Variants in SRL observed in about 807,000 individuals in gnomAD.
SRL encodes the protein sarcalumenin.
Under a neutral mutation model 39.5 loss-of-function variants are expected in SRL, and 23 were observed. That is an observed-to-expected ratio of 0.58 (90% confidence interval 0.42 to 0.82). The LOEUF (loss-of-function observed/expected upper bound fraction) is 0.82. Ranked by LOEUF, SRL falls within the 40% of genes least tolerant of loss-of-function variation. The probability of loss-of-function intolerance (pLI) is 0.00; values close to 1 mark genes in which losing one functional copy is unlikely to be tolerated. For synonymous variants in SRL, 272 were observed against 237.4 expected, an observed-to-expected ratio of 1.15 and a Z score of -1.34; for missense variants, 592 against 607.8, an observed-to-expected ratio of 0.97 and a Z score of 0.27.
At chr16:4,203,110 G>A (rs772295404) in intron 3 of SRL, 56 bp downstream of exon 3, 204 of 1,521,046 alleles carry the variant, frequency 1.3e-4, no homozygotes, top group Non-Finnish European at 1.7e-4. Context: ...TGGCCCCGCC[G>A]ACAGGCCTGC....
chr16:4,195,700 T>C lies in SRL; in HGVS notation c.463A>G (p.Ser155Gly). Residue 155 changes from serine to glycine, a missense_variant, in exon 5 of 6, where the codon AGC becomes GGC. Ser to Gly is a moderately conservative substitution (Grantham distance 56). Coordinates refer to ENST00000399609, the MANE Select transcript of SRL (RefSeq NM_001098814.2). ...TIEGIVMAAD[S>G]ARSFSPLEKF... ...TCAAGGGGTGAGAAGGAACGGGCGC[T>C]GTCAGCAGCCATGACGATGCCCTCG... 4.3e-6 allele frequency: 7 copies of C among 1,614,110 alleles called. No homozygotes were observed. The highest frequency in any genetic ancestry group is 5.9e-6 in the Non-Finnish European group (7 of 1,180,010).
At chr16:4,205,241 G>A (rs944817806) in intron 1 of SRL, among the ~76,000 whole-genome samples, 3 of 152,062 alleles carry the variant, frequency 2.0e-5, no homozygotes, top group Non-Finnish European at 4.4e-5. Context: ...CTCAGCTCAG[G>A]AGGTCAAGGC....
At chr16:4,240,035 C>T (rs1018405114) in intron 1 of SRL, among the ~76,000 whole-genome samples, 2 of 152,138 alleles carry the variant, frequency 1.3e-5, no homozygotes, top group African/African-American at 2.4e-5. Context: ...CACAGGGAGG[C>T]GAGAAGGAGG....
chr16:4,233,062 A>G (rs1195398009), intron 1 of SRL, among the ~76,000 whole-genome samples: 1 of 152,206 alleles, frequency 6.6e-6, no homozygotes, highest in African/African-American at 2.4e-5. Context: ...ATCCAAAAAT[A>G]TCTGAGAGAG....
chr16:4,197,421 C>CTTCTTTTTTTT (rs71394661), intron 4 of SRL, among the ~76,000 whole-genome samples: 1 of 107,568 alleles, frequency 9.3e-6, no homozygotes, highest in African/African-American at 3.8e-5. Flanking sequence ...CTTTTCTTTC[C>CTTCTTTTTTTT]TTTTTTTTTT....
intron 1 of SRL, among the ~76,000 whole-genome samples, chr16:4,241,242 A>G (rs1316981974): frequency 6.6e-6 from 1 of 152,138 alleles, no homozygotes; most frequent in East Asian, 1.9e-4. Flanking sequence ...GGAACAAGAG[A>G]GGTGGCAAAA....
intron 1 of SRL, among the ~76,000 whole-genome samples, chr16:4,235,766 C>T (rs1165979632): frequency 1.3e-5 from 2 of 152,162 alleles, no homozygotes; most frequent in Admixed American, 6.5e-5. Flanking sequence ...ACTCAGGCCA[C>T]ATATCCACCG....
At chr16:4,228,006 A>G (rs2052611317) in intron 1 of SRL, among the ~76,000 whole-genome samples, 1 of 152,200 alleles carries the variant, frequency 6.6e-6, no homozygotes, top group Non-Finnish European at 1.5e-5. Flanking sequence ...ACACTGCAGG[A>G]GCCCAGCCAG....
At chr16:4,232,129 G>A (rs1241002233) in intron 1 of SRL, among the ~76,000 whole-genome samples, 1 of 152,176 alleles carries the variant, frequency 6.6e-6, no homozygotes, top group Non-Finnish European at 1.5e-5. Flanking sequence ...GGGACTTGGT[G>A]GAGTGCTCAC....
At chr16:4,193,891 T>C (rs114092649) in intron 5 of SRL, among the ~76,000 whole-genome samples, 1,946 of 150,316 alleles carry the variant, frequency 0.013, 45 homozygotes, top group African/African-American at 0.044. Context: ...TTATTAACAT[T>C]ACTAATAATA....
intron 3 of SRL, among the ~76,000 whole-genome samples, chr16:4,202,600 A>T (rs1008302379): frequency 6.6e-6 from 1 of 152,084 alleles, no homozygotes; most frequent in Non-Finnish European, 1.5e-5. Context: ...CTCAAAAAAA[A>T]AAAAGCTGGA....
chr16:4,221,345 C>T (rs1181224159), intron 1 of SRL, among the ~76,000 whole-genome samples: 1 of 152,234 alleles, frequency 6.6e-6, no homozygotes, highest in Non-Finnish European at 1.5e-5. Flanking sequence ...CTGCACCTGG[C>T]CTATTCCGTT....
chr16:4,204,270 G>A (rs180878608), intron 2 of SRL, among the ~76,000 whole-genome samples: 111 of 152,300 alleles, frequency 7.3e-4, no homozygotes, highest in African/African-American at 2.1e-3. Flanking sequence ...ACACCAGGCC[G>A]TCTACTTGGA....
At chr16:4,231,256 C>T (rs1300317348) in intron 1 of SRL, among the ~76,000 whole-genome samples, 2 of 152,194 alleles carry the variant, frequency 1.3e-5, no homozygotes, top group African/African-American at 4.8e-5. Context: ...GCAGAGATTG[C>T]AGTGAGCAGA....
intron 1 of SRL, among the ~76,000 whole-genome samples, chr16:4,211,170 A>C (rs947723602): frequency 1.3e-5 from 2 of 152,126 alleles, no homozygotes; most frequent in African/African-American, 4.8e-5. Flanking sequence ...ATTAAAAAAA[A>C]AAAAAGTTCT....
chr16:4,221,268 C>T (rs183997320), intron 1 of SRL, among the ~76,000 whole-genome samples: 40 of 152,216 alleles, frequency 2.6e-4, no homozygotes, highest in African/African-American at 9.4e-4. Context: ...AGGATGGTCT[C>T]GATCTCCTGA....
chr16:4,242,029 C>T lies in SRL; in HGVS notation c.39G>A (p.Ser13=), dbSNP rs750350063. The T allele has an allele frequency of 8.1e-6, 13 of 1,613,330 alleles. No individual in the cohort carries two copies. Among genetic ancestry groups the T allele is most frequent in the East Asian group, 2.2e-5 (1 of 44,878 alleles). ...ALVLLGCLLA[S]LLFSGQAEET... ...TACCTGCTTGTCCTGAGAACAGGAG[C>T]GAGGCCAGGAGGCAGCCGAGCAGGA... Residue 13 remains serine, a synonymous_variant, in exon 1 of 6, where the codon TCG becomes TCA. Transcript: ENST00000399609.
intron 5 of SRL, among the ~76,000 whole-genome samples, chr16:4,195,352 A>G (rs1382859455): frequency 2.6e-5 from 4 of 152,048 alleles, no homozygotes; most frequent in African/African-American, 9.7e-5. Flanking sequence ...ACATGCGAAC[A>G]TGCCTGGCTA....
chr16:4,192,716 T>A lies in SRL; in HGVS notation c.859A>T (p.Arg287Trp), dbSNP rs61737879. ...GGCCAGAAGGAGCTGACGTAAACCC[T>A]TGGGGGCTCTGTGACATTGATGAGA... ...APLINVTEPP[R>W]VYVSSFWPQE... Residue 287 changes from arginine (R) to tryptophan (W), a missense_variant, in exon 6 of 6, where the codon AGG becomes TGG. Transcript: ENST00000399609. This position sits in a 1 kb window ranked among gnomAD's most constrained non-coding sequence, Gnocchi z 4.0. 1 of 1,614,140 alleles carries A rather than the reference T, an allele frequency of 6.2e-7. No homozygotes were observed. Among genetic ancestry groups the A allele is most frequent in the Non-Finnish European group, 8.5e-7 (1 of 1,180,006 alleles).
Sources: gnomAD v4.1 joint callset for allele counts (sites outside exome capture counted in the v4.1 genomes callset) on GRCh38, gnomAD v4.1.1 for gene constraint, Gnocchi (gnomAD v3.1) non-coding constraint, MANE v1.5 for transcripts, NCBI Gene and HGNC (gene_info 2026-07-23, HGNC 2026-07-21) for gene names.